NCOR2: variants seen among roughly 807,000 people sequenced by gnomAD.
The protein encoded by NCOR2 is CTG repeat protein 26.
NCOR2 carries 81 observed loss-of-function variants against 262.9 expected under a neutral mutation model. That is an observed-to-expected ratio of 0.31 (90% CI 0.26 to 0.37). NCOR2 has a LOEUF of 0.37. Among genes scored for constraint, NCOR2 ranks in the 10% least tolerant of loss-of-function variants. The pLI, the probability that NCOR2 is intolerant of heterozygous loss-of-function variation, is 1.00. For synonymous variants in NCOR2, 1,659 were observed against 1,559.3 expected (o/e 1.06, Z -1.51); for missense variants, 3,385 against 3,621.4 (o/e 0.93, Z 1.68).
intron 7 of NCOR2, 97 bp from the exon 10 acceptor site, chr12:124,438,093 C>G: frequency 8.2e-7 from 1 of 1,221,022 alleles, no homozygotes; most frequent in African/African-American, 1.5e-5. Context: ...CCAAATTTGC[C>G]CCGTTATTGG....
At chr12:124,486,686 G>T in intron 1 of NCOR2, 118 bp from the exon 4 acceptor site, 1 of 1,303,418 alleles carries the variant, frequency 7.7e-7, no homozygotes, top group Non-Finnish European at 1.0e-6. Context: ...GCCCTAGGCA[G>T]ATAAGCCCAA....
chr12:124,453,101 G>C (rs2045645384), intron 6 of NCOR2, among the ~76,000 whole-genome samples: 1 of 152,184 alleles, frequency 6.6e-6, no homozygotes, highest in Non-Finnish European at 1.5e-5. Flanking sequence ...GACATGTCCT[G>C]GCAGGTGCAT....
At position 124,455,661 on chromosome 12, in the gene NCOR2, G is replaced by A. The variant is rs2136543007; in HGVS notation, c.762+1445C>T. On this transcript the variant is annotated intron_variant, in intron 6 of 46. Coordinates refer to ENST00000405201, the Ensembl canonical transcript of NCOR2. Reference sequence around the variant, plus strand: ...CATCACCAAATTGTTCACAACTACTGAGCGCTTCGTAGGGACCAGGAGCTG... The same window carrying A: ...CATCACCAAATTGTTCACAACTACTAAGCGCTTCGTAGGGACCAGGAGCTG... Among the ~76,000 whole-genome samples the A allele has an allele frequency of 2.0e-5, 3 of 152,316 alleles. 1 individual carries two copies. The highest frequency in any genetic ancestry group is 2.0e-4 in the Admixed American group (3 of 15,310).
chr12:124,513,037 C>T (rs915229375), intron 1 of NCOR2, among the ~76,000 whole-genome samples: 26 of 152,200 alleles, frequency 1.7e-4, no homozygotes, highest in African/African-American at 5.6e-4. Flanking sequence ...GAGGACTCAG[C>T]GAGACCCTGG....
chr12:124,397,601 C>T (rs990373821), intron 16 of NCOR2, among the ~76,000 whole-genome samples: 2 of 152,220 alleles, frequency 1.3e-5, no homozygotes, highest in African/African-American at 4.8e-5. Context: ...GAACCCGTCA[C>T]CCAGATTGGG....
chr12:124,337,715 G>A (rs770760417), intron 37 of NCOR2, among the ~76,000 whole-genome samples: 20 of 151,904 alleles, frequency 1.3e-4, no homozygotes, highest in East Asian at 3.9e-4. Flanking sequence ...GCCAGGGGGC[G>A]GCCAGGGTGG....
chr12:124,340,551 C>CGCCTCCCA lies in NCOR2; in HGVS notation c.5338+43_5338+50dup, dbSNP rs760176139. The CGCCTCCCA allele has an allele frequency of 2.6e-6, 4 of 1,526,626 alleles. No homozygotes were observed. In the African/African-American group the frequency reaches 5.5e-5, roughly 21 times the overall value. The allele number at this position is 1,526,626 out of a possible 1,614,324, so 94.6% of individuals were successfully genotyped here. On this transcript the variant is annotated intron_variant, in intron 35 of 46. Transcript: ENST00000405201. ...GGCTTCTGCCCGCCCATCCCCCAGC[C>CGCCTCCCA]GCCTCCCATGGATGCCGGGGTCCCC...
intron 1 of NCOR2, among the ~76,000 whole-genome samples, chr12:124,545,244 A>G (rs1471077065): frequency 6.6e-6 from 1 of 152,026 alleles, no homozygotes; most frequent in African/African-American, 2.4e-5. Context: ...AGAGGACTGG[A>G]TAAGAGCCCA....
rs1234725450 is a variant in NCOR2 at position 124,344,963 on chromosome 12, G to C, written c.4360-12C>G. 2 of 1,525,740 alleles carry C rather than the reference G, an allele frequency of 1.3e-6. No individual in the cohort carries two copies. The highest frequency in any genetic ancestry group is 2.7e-5 in the African/African-American group (2 of 73,046). 94.5% of individuals were successfully genotyped at this position (1,525,740 alleles called of 1,614,324 possible). A position where few individuals can be genotyped will look rare whatever the true frequency, so the allele number is the denominator to read the frequency against. On this transcript the variant is annotated splice_polypyrimidine_tract_variant and intron_variant, in intron 31 of 46. Transcript: ENST00000405201. Reference sequence around the variant, plus strand: ...TTGAGCGGGGTGCCCTGGGGCAGAGGGGATGTAAGCTCTAGCCCTGGCCAC... The same window carrying C: ...TTGAGCGGGGTGCCCTGGGGCAGAGCGGATGTAAGCTCTAGCCCTGGCCAC...
At position 124,483,432 on chromosome 12, in the gene NCOR2, C is replaced by T. The variant is rs551456799; in HGVS notation, c.411+164G>A. Among the ~76,000 whole-genome samples, 3 of 152,276 alleles carry T rather than the reference C, an allele frequency of 2.0e-5. No individual in the cohort carries two copies. Among genetic ancestry groups the T allele is most frequent in the African/African-American group, 4.8e-5 (2 of 41,552 alleles). On this transcript the variant is annotated intron_variant, in intron 3 of 46. Transcript: ENST00000405201. This position sits in a 1 kb window ranked among gnomAD's most constrained non-coding sequence, Gnocchi z 6.3. ...GCACCTCCAGAGACCCAGCGCCTGC[C>T]CTCTTCCTGCCACCCAGCTCTGTGC...
chr12:124,406,505 G>A (rs895696609), intron 13 of NCOR2, among the ~76,000 whole-genome samples: 1 of 152,192 alleles, frequency 6.6e-6, no homozygotes, highest in African/African-American at 2.4e-5. Flanking sequence ...AGCAGAAAAC[G>A]CCTGTGGGCA....
chr12:124,472,875 T>A (rs1012307211), intron 4 of NCOR2, 77 bp downstream of exon 6: 5 of 1,585,792 alleles, frequency 3.2e-6, no homozygotes, highest in Non-Finnish European at 4.3e-6. Flanking sequence ...GCTTGGCACA[T>A]GTCTGTGACA....
chr12:124,333,915 T>C (rs56123301), intron 41 of NCOR2, among the ~76,000 whole-genome samples: 2 of 84,504 alleles, frequency 2.4e-5, no homozygotes, highest in African/African-American at 1.2e-4. Flanking sequence ...TGTGTGCGGG[T>C]GTGCATGTGT....
intron 13 of NCOR2, among the ~76,000 whole-genome samples, chr12:124,418,140 G>A (rs1269813979): frequency 2.0e-5 from 3 of 151,688 alleles, no homozygotes; most frequent in Non-Finnish European, 2.9e-5. Flanking sequence ...TGTGCCACTC[G>A]GCCTTGGTTT....
chr12:124,334,834 G>A (rs1294755786), intron 40 of NCOR2: 2 of 600,324 alleles, frequency 3.3e-6, no homozygotes, highest in Non-Finnish European at 5.9e-6. Flanking sequence ...TTGGCAGATG[G>A]CTGATGAGAC....
intron 3 of NCOR2, among the ~76,000 whole-genome samples, chr12:124,479,333 CACAA>C (rs919874704): frequency 2.4e-4 from 36 of 149,558 alleles, no homozygotes; most frequent in African/African-American, 8.1e-4. Flanking sequence ...CACGTGCGCA[CACAA>C]ACACACATAC....
At position 124,510,091 on chromosome 12, in the gene NCOR2, G is replaced by A. The variant is rs148838451; in HGVS notation, c.-117-14723C>T. Among the ~76,000 whole-genome samples, 790 of 152,312 alleles carry A rather than the reference G, an allele frequency of 5.2e-3. 6 individuals are homozygous for A. The highest frequency in any genetic ancestry group is 0.018 in the African/African-American group (753 of 41,576). ...GGCTGTACCCATGGGCATGTCTTGG[G>A]GCCATCCCTGCCAGGCCTTCAGTTT... On this transcript the variant is annotated intron_variant, in intron 1 of 46. Coordinates refer to the NCOR2 transcript ENST00000404621.
At chr12:124,410,608 G>A (rs1213865407) in intron 13 of NCOR2, among the ~76,000 whole-genome samples, 1 of 152,118 alleles carries the variant, frequency 6.6e-6, no homozygotes, top group East Asian at 1.9e-4. Flanking sequence ...CCCCAAGCAG[G>A]CAGCAGGTTT....
chr12:124,433,902 A>ACACACACG (rs2044170476), intron 8 of NCOR2, among the ~76,000 whole-genome samples: 4 of 704 alleles, frequency 5.7e-3, no homozygotes, highest in East Asian at 0.083. Context: ...ACACACACGC[A>ACACACACG]CACACACACA....
Sources: gnomAD v4.1 joint callset for allele counts (sites outside exome capture counted in the v4.1 genomes callset) on GRCh38, gnomAD v4.1.1 for gene constraint, Gnocchi (gnomAD v3.1) non-coding constraint, MANE v1.5 for transcripts, NCBI Gene and HGNC (gene_info 2026-07-23, HGNC 2026-07-21) for gene names.